Variants in HDAC9 observed in about 807,000 individuals in gnomAD.
HDAC9 encodes the protein MEF-2 interacting transcription repressor (MITR) protein.
Under a neutral mutation model 139.4 loss-of-function variants are expected in HDAC9, and 41 were observed. The observed-to-expected ratio is 0.29, with a 90% CI of 0.23 to 0.38. The LOEUF (loss-of-function observed/expected upper bound fraction) is 0.38, where lower values mean the gene tolerates loss of function less well. HDAC9 is among the 10% of genes least tolerant of loss of function. The pLI, the probability that HDAC9 is intolerant of heterozygous loss-of-function variation, is 1.00. For missense variants in HDAC9, 1,147 were observed against 1,297.0 expected (o/e 0.88, Z 1.78); for synonymous variants, 517 against 476.2 (o/e 1.09, Z -1.12).
chr7:18,756,932 G>A (rs1052633619), intron 14 of HDAC9, among the ~76,000 whole-genome samples: 2 of 152,000 alleles, frequency 1.3e-5, no homozygotes, highest in Non-Finnish European at 1.5e-5. Context: ...ACACGAGGAG[G>A]GTTGTGTGGA....
chr7:18,310,130 G>A (rs778339895), intron 1 of HDAC9, among the ~76,000 whole-genome samples: 7 of 139,628 alleles, frequency 5.0e-5, no homozygotes, highest in Admixed American at 2.9e-4. Flanking sequence ...CTATCCCAAG[G>A]CCTGCCAGAT....
At chr7:18,931,335 C>G (rs1408124636) in intron 22 of HDAC9, among the ~76,000 whole-genome samples, 1 of 152,042 alleles carries the variant, frequency 6.6e-6, no homozygotes, top group Non-Finnish European at 1.5e-5. Flanking sequence ...AGCCTCATTC[C>G]TAAGTGGCCT....
chr7:18,551,345 T>C (rs535840589), intron 2 of HDAC9, among the ~76,000 whole-genome samples: 1 of 152,266 alleles, frequency 6.6e-6, no homozygotes, highest in East Asian at 1.9e-4. Context: ...AGGGCAGAGA[T>C]ACATATCTGA....
intron 1 of HDAC9, among the ~76,000 whole-genome samples, chr7:18,346,929 G>C (rs1375429140): frequency 6.6e-6 from 1 of 152,150 alleles, no homozygotes; most frequent in Non-Finnish European, 1.5e-5. Context: ...AAAATGATCT[G>C]TTCAGTCTTT....
chr7:18,230,634 C>T lies in HDAC9; in HGVS notation c.25+68285C>T, dbSNP rs1400355729. ...CAGTCTGGGTTTTGGGATGCCATTT[C>T]GTTGTTGCTATTTGACTTTGATTTT... On this transcript the variant is annotated intron_variant, in intron 2 of 12. Coordinates refer to the HDAC9 transcript ENST00000417496. 2.0e-5 allele frequency among the ~76,000 whole-genome samples: 3 copies of T among 152,230 alleles called. No homozygotes were observed. The South Asian group carries it at 6.2e-4, about 32-fold the overall frequency.
chr7:18,290,642 G>A (rs1797747144), intron 1 of HDAC9: 4 of 405,748 alleles, frequency 9.9e-6, no homozygotes, highest in Non-Finnish European at 2.0e-5. Context: ...CTTGTCATGC[G>A]GAGGGAAGCA....
At chr7:18,436,668 G>T (rs1791230643) in intron 1 of HDAC9, among the ~76,000 whole-genome samples, 1 of 152,210 alleles carries the variant, frequency 6.6e-6, no homozygotes, top group Non-Finnish European at 1.5e-5. Context: ...AAATTCAATA[G>T]ATGGTGTTTT....
In HDAC9 at chr7:18,339,828, A is replaced by T. The variant is rs556194014; in HGVS notation, c.-42+49313A>T. ...CAATGTGGTCTATAAGACCACATTTATAGGTAAATATTCAATATGCATTTG... is the reference window on the plus strand; with the variant it reads ...CAATGTGGTCTATAAGACCACATTTTTAGGTAAATATTCAATATGCATTTG... On this transcript the variant is annotated intron_variant, in intron 1 of 3. Coordinates refer to the HDAC9 transcript ENST00000413509. Among the ~76,000 whole-genome samples, 22 of 151,670 alleles carry T rather than the reference A, an allele frequency of 1.5e-4. No homozygotes were observed. In the South Asian group the frequency reaches 1.7e-3, roughly 11 times the overall value.
chr7:18,608,053 T>C (rs1293014712), intron 6 of HDAC9, among the ~76,000 whole-genome samples: 2 of 152,190 alleles, frequency 1.3e-5, no homozygotes, highest in African/African-American at 4.8e-5. Context: ...ATGAGATTTA[T>C]TGAAAAATGA....
At position 18,665,398 on chromosome 7, in the gene HDAC9, T is replaced by C. The variant is rs536696050; in HGVS notation, c.1468-815T>C. On this transcript the variant is annotated intron_variant, in intron 11 of 25. Transcript: ENST00000686413. ...CCCCATTTATTGAGCTTTCATGTTA[T>C]GATATTTTGCTATTGTTTAAGTTAG... is the stretch of plus-strand genomic sequence containing the variant. Among the ~76,000 whole-genome samples the C allele has an allele frequency of 3.3e-5, 5 of 152,294 alleles. No homozygotes were observed. The East Asian group carries it at 7.7e-4, about 24-fold the overall frequency.
At position 18,874,499 on chromosome 7, in the gene HDAC9, C is replaced by A. The variant is rs577029176; in HGVS notation, c.2706C>A (p.Ala902=). 3.1e-6 allele frequency: 5 copies of A among 1,589,064 alleles called. No homozygotes were observed. Among genetic ancestry groups the A allele is most frequent in the African/African-American group, 1.3e-5 (1 of 74,630 alleles). Reference sequence around the variant, plus strand: ...GCAGGACCATCGTGAAGCCTGTGGCCAAAGAGTTTGATCCAGACATGGTCT... The same window carrying A: ...GCAGGACCATCGTGAAGCCTGTGGCAAAAGAGTTTGATCCAGACATGGTCT... The part of the protein sequence containing the change: ...EAFRTIVKPV[A]KEFDPDMVLV... Residue 902 remains alanine (A), a synonymous_variant, in exon 22 of 26, where the codon GCC becomes GCA. Coordinates refer to ENST00000686413, the MANE Select transcript of HDAC9 (RefSeq NM_178425.4).
chr7:18,408,728 A>G (rs1428969137), intron 1 of HDAC9, among the ~76,000 whole-genome samples: 2 of 152,118 alleles, frequency 1.3e-5, no homozygotes, highest in Non-Finnish European at 2.9e-5. Context: ...CTTTCTTGCA[A>G]TGATTTCTTT....
At chr7:18,420,621 A>C (rs1412401887) in intron 1 of HDAC9, among the ~76,000 whole-genome samples, 10 of 152,124 alleles carry the variant, frequency 6.6e-5, no homozygotes, top group Non-Finnish European at 1.3e-4. Flanking sequence ...TGACTCCATA[A>C]ATTTTTATTA....
In HDAC9 at chr7:18,835,597, T is replaced by C. The variant is rs553938664; in HGVS notation, c.2586+11T>C. On this transcript the variant is annotated intron_variant, in intron 20 of 25. Coordinates refer to ENST00000686413, the MANE Select transcript of HDAC9 (RefSeq NM_178425.4). Reference sequence around the variant, plus strand: ...GGAGCCCCAAATGAGGTTCGGTTTATTTCTTTAGAGCCCCACTTTTATTTG... The same window carrying C: ...GGAGCCCCAAATGAGGTTCGGTTTACTTCTTTAGAGCCCCACTTTTATTTG... 56 of 1,613,706 alleles carry C rather than the reference T, an allele frequency of 3.5e-5. No homozygotes were observed. In the South Asian group the frequency reaches 5.7e-4, roughly 16 times the overall value.
At chr7:18,583,579 TAA>T (rs11418791) in intron 2 of HDAC9, among the ~76,000 whole-genome samples, 8 of 136,718 alleles carry the variant, frequency 5.9e-5, no homozygotes, top group Admixed American at 1.5e-4. Context: ...ACCCCAGCTA[TAA>T]AAAAAAAAAA....
At chr7:18,301,470 T>A (rs1798532977) in intron 1 of HDAC9, among the ~76,000 whole-genome samples, 1 of 152,180 alleles carries the variant, frequency 6.6e-6, no homozygotes, top group South Asian at 2.1e-4. Context: ...TTTAATCCTC[T>A]GTTTTATTCC....
At chr7:18,119,586 G>A (rs1308644218) in intron 1 of HDAC9, among the ~76,000 whole-genome samples, 2 of 152,216 alleles carry the variant, frequency 1.3e-5, no homozygotes, top group African/African-American at 4.8e-5. Context: ...GAGAGATTGA[G>A]GAGCTTAGCC....
chr7:18,961,750 T>C (rs1369145508), intron 24 of HDAC9, among the ~76,000 whole-genome samples: 3 of 152,150 alleles, frequency 2.0e-5, no homozygotes, highest in African/African-American at 7.2e-5. Context: ...TTCATTCCCA[T>C]TTTATAGTGA....
chr7:18,524,607 T>C (rs1008734841), intron 2 of HDAC9, among the ~76,000 whole-genome samples: 5 of 152,144 alleles, frequency 3.3e-5, no homozygotes, highest in African/African-American at 2.4e-5. Flanking sequence ...AAAAATTTTA[T>C]TGAAAATAAA....
Sources: allele counts gnomAD v4.1 joint callset (sites outside exome capture counted in the v4.1 genomes callset), GRCh38; gene constraint gnomAD v4.1.1; transcripts MANE v1.5; gene names NCBI Gene and HGNC (gene_info 2026-07-23, HGNC 2026-07-21).